The following SCAPER variants were observed in gnomAD, a reference collection of about 807,000 sequenced individuals.
SCAPER encodes S phase cyclin A-associated protein in the endoplasmic reticulum.
In SCAPER, 98 loss-of-function variants were observed where a neutral mutation model predicts 182.2. The ratio of observed to expected loss-of-function variants is 0.54; its 90% CI spans 0.46 to 0.64. The LOEUF (loss-of-function observed/expected upper bound fraction) is 0.64. Ranked by LOEUF, SCAPER falls within the 30% of genes least tolerant of loss-of-function variation. The pLI, the probability that SCAPER is intolerant of heterozygous loss-of-function variation, is 0.00. For missense variants in SCAPER, 1,432 were observed against 1,690.0 expected (o/e 0.85, Z 2.68); for synonymous variants, 605 against 564.6 (o/e 1.07, Z -1.01).
intron 17 of SCAPER, among the ~76,000 whole-genome samples, chr15:76,726,903 A>T (rs1300665298): frequency 1.3e-5 from 2 of 152,064 alleles, no homozygotes; most frequent in East Asian, 1.9e-4. Context: ...AACTGAAAAA[A>T]TTTCTGGGTA....
chr15:76,844,046 TA>T (rs1196722654), intron 4 of SCAPER, among the ~76,000 whole-genome samples: 3 of 152,116 alleles, frequency 2.0e-5, no homozygotes, highest in Non-Finnish European at 4.4e-5. Flanking sequence ...CAGGTTTAGC[TA>T]AATTAAATTA....
At chr15:76,626,312 C>T (rs921605357) in intron 21 of SCAPER, among the ~76,000 whole-genome samples, 6 of 152,056 alleles carry the variant, frequency 3.9e-5, no homozygotes, top group Non-Finnish European at 5.9e-5. Context: ...TCCAGTTTGA[C>T]TCTGTATAAA....
intron 15 of SCAPER, among the ~76,000 whole-genome samples, chr15:76,738,922 C>T (rs759293075): frequency 2.6e-5 from 4 of 152,132 alleles, no homozygotes; most frequent in Non-Finnish European, 5.9e-5. Flanking sequence ...GCAGGATTGA[C>T]ACAAACATTC....
chr15:76,760,999 T>A (rs1298286835), intron 14 of SCAPER, among the ~76,000 whole-genome samples: 1 of 152,204 alleles, frequency 6.6e-6, no homozygotes, highest in African/African-American at 2.4e-5. Context: ...AGGCTTTTTT[T>A]GTTGGTTTTT....
intron 24 of SCAPER, among the ~76,000 whole-genome samples, chr15:76,481,650 C>T (rs1311950841): frequency 6.6e-6 from 1 of 152,162 alleles, no homozygotes; most frequent in Non-Finnish European, 1.5e-5. Flanking sequence ...CTAAGAAGCT[C>T]CAGACATACT....
At chr15:76,882,982 CAGA>C (rs2073654883) in intron 2 of SCAPER, among the ~76,000 whole-genome samples, 1 of 152,158 alleles carries the variant, frequency 6.6e-6, no homozygotes. Flanking sequence ...CTCTTTCAAC[CAGA>C]AGAAGGGGCT....
At chr15:76,378,616 GTGAAGCCTATGTTTCC>G (rs1447528076) in intron 28 of SCAPER, among the ~76,000 whole-genome samples, 33 of 152,314 alleles carry the variant, frequency 2.2e-4, no homozygotes, top group African/African-American at 7.9e-4. Flanking sequence ...GCTTTAGCTG[GTGAAGCCTATGTTTCC>G]CTTCCCTTGA....
intron 23 of SCAPER, among the ~76,000 whole-genome samples, chr15:76,517,777 C>T (rs943843316): frequency 2.6e-5 from 4 of 151,950 alleles, no homozygotes; most frequent in African/African-American, 9.7e-5. Flanking sequence ...CCTCCTTTTT[C>T]TGTTCCAGGA....
intron 8 of SCAPER, among the ~76,000 whole-genome samples, chr15:76,789,586 T>G (rs2064858677): frequency 6.6e-6 from 1 of 152,154 alleles, no homozygotes; most frequent in Non-Finnish European, 1.5e-5. Flanking sequence ...ACTGAGAAAT[T>G]AGTTACAGAC....
At chr15:76,805,996 A>G (rs2066135330) in intron 5 of SCAPER, among the ~76,000 whole-genome samples, 1 of 152,208 alleles carries the variant, frequency 6.6e-6, no homozygotes, top group Non-Finnish European at 1.5e-5. Context: ...CATCAACCAT[A>G]TGGCTGACAA....
intron 25 of SCAPER, among the ~76,000 whole-genome samples, chr15:76,464,140 G>C (rs940269928): frequency 6.7e-6 from 1 of 150,244 alleles, no homozygotes; most frequent in Non-Finnish European, 1.5e-5. Context: ...TCACTTGACT[G>C]AAACGCTAAA....
intron 28 of SCAPER, 90 bp downstream of exon 28, chr15:76,381,288 C>G (rs1348540948): frequency 2.0e-6 from 2 of 1,009,628 alleles, no homozygotes; most frequent in Non-Finnish European, 3.0e-6. Flanking sequence ...ATTCCTTATG[C>G]CCCAATTCAG....
intron 22 of SCAPER, among the ~76,000 whole-genome samples, chr15:76,615,450 C>A (rs2439987): frequency 0.98 from 146,821 of 149,846 alleles, 71,992 homozygotes; most frequent in Non-Finnish European, 1. Context: ...ATCTCAAAAA[C>A]AAATGTGTCT....
chr15:76,850,873 A>G (rs539429670), intron 4 of SCAPER, among the ~76,000 whole-genome samples: 15 of 151,692 alleles, frequency 9.9e-5, no homozygotes, highest in South Asian at 4.2e-4. Context: ...AAAAAAAAAA[A>G]AAAAGAAAAA....
At chr15:76,443,335 C>G (rs778539925) in intron 25 of SCAPER, among the ~76,000 whole-genome samples, 4 of 152,152 alleles carry the variant, frequency 2.6e-5, no homozygotes, top group Non-Finnish European at 5.9e-5. Context: ...GATAAGACAT[C>G]CATTTGAAAA....
At chr15:76,696,525 C>CA (rs762960712) in intron 20 of SCAPER, among the ~76,000 whole-genome samples, 11 of 151,898 alleles carry the variant, frequency 7.2e-5, no homozygotes, top group Non-Finnish European at 1.2e-4. Flanking sequence ...AGAGCTTGTA[C>CA]AATGTACATG....
chr15:76,800,748 G>C (rs2065722515), intron 6 of SCAPER, among the ~76,000 whole-genome samples: 1 of 152,198 alleles, frequency 6.6e-6, no homozygotes, highest in South Asian at 2.1e-4. Context: ...CTGATGTCCT[G>C]GAGAGTTTGT....
chr15:76,396,158 G>A (rs919818803), intron 27 of SCAPER, among the ~76,000 whole-genome samples: 1 of 152,082 alleles, frequency 6.6e-6, no homozygotes, highest in Non-Finnish European at 1.5e-5. Context: ...ATTTGTTTCT[G>A]GGTTCTCTAT....
chr15:76,382,471 A>C (rs1567031555), intron 27 of SCAPER, among the ~76,000 whole-genome samples: 2 of 151,534 alleles, frequency 1.3e-5, no homozygotes, highest in African/African-American at 4.9e-5. Flanking sequence ...TAAGAGTCCC[A>C]TGCTCTACCA....
Sources: gnomAD v4.1 joint callset for allele counts (sites outside exome capture counted in the v4.1 genomes callset) on GRCh38, gnomAD v4.1.1 for gene constraint, MANE v1.5 for transcripts, NCBI Gene and HGNC (gene_info 2026-07-23, HGNC 2026-07-21) for gene names.